The following GLDN variants were observed in gnomAD, a reference collection of about 807,000 sequenced individuals.
The protein encoded by GLDN is gliomedin.
GLDN carries 47 observed loss-of-function variants against 56.5 expected under a neutral mutation model. The ratio of observed to expected loss-of-function variants is 0.83; its 90% CI spans 0.66 to 1.06. The LOEUF is 1.06. Among genes scored for constraint, GLDN ranks in the 50% least tolerant of loss-of-function variants. The pLI is 0.00. For synonymous variants in GLDN, 332 were observed against 278.8 expected (o/e 1.19, Z -1.90); for missense variants, 782 against 714.3 (o/e 1.09, Z -1.08).
rs2038399024 is a variant in GLDN at position 51,407,092 on chromosome 15, CT to C, written c.*2339del. The C allele has an allele frequency of 6.6e-6, 1 of 152,072 alleles. No homozygotes were observed. The highest frequency in any genetic ancestry group is 6.6e-5 in the Admixed American group (1 of 15,262). The allele number at this position is 152,072 out of a possible 1,614,324, so 9.4% of individuals were successfully genotyped here. A position where few individuals can be genotyped will look rare whatever the true frequency, so the allele number is the denominator to read the frequency against. On this transcript the variant is annotated 3_prime_UTR_variant, in exon 10 of 10. Coordinates refer to ENST00000335449, the MANE Select transcript of GLDN (RefSeq NM_181789.4). ...AGTCTTGATATCTGAGCTATCTGGG[CT>C]CCCTTACTTGTGAGTAAGGGATCAT...
intron 4 of GLDN, among the ~76,000 whole-genome samples, chr15:51,385,743 C>T (rs909620373): frequency 2.0e-5 from 3 of 152,114 alleles, no homozygotes; most frequent in African/African-American, 7.2e-5. Flanking sequence ...GGGCAGAGGG[C>T]TCTGGGCAGA....
At position 51,351,382 on chromosome 15, in the gene GLDN, T is replaced by C. The variant is rs1332246296; in HGVS notation, c.363+9335T>C. Among the ~76,000 whole-genome samples the C allele has an allele frequency of 2.0e-5, 3 of 152,032 alleles. No individual in the cohort carries two copies. In the East Asian group the frequency reaches 5.8e-4, roughly 29 times the overall value. On this transcript the variant is annotated intron_variant, in intron 1 of 9. Coordinates refer to ENST00000335449, the MANE Select transcript of GLDN (RefSeq NM_181789.4). ...CCCTGCCACTATGCCGGGGAAAAAA[T>C]TGATTTTTGTCTTGGAACTCAGAGT...
In GLDN at chr15:51,404,474, T is replaced by C. The variant is rs1285407413; in HGVS notation, c.1376T>C (p.Val459Ala). ...CAACTGGATGAGAGGACATTCTCAG[T>C]GGTGCAACACGTCAATACCACGTAC... ...VAQLDERTFS[V>A]VQHVNTTYPK... The change falls in exon 10 of 10, where the codon GTG becomes GCG. Residue 459 changes from valine (V) to alanine (A), a missense_variant. Coordinates refer to ENST00000335449, the MANE Select transcript of GLDN (RefSeq NM_181789.4). 1.2e-6 allele frequency: 2 copies of C among 1,614,156 alleles called. No individual in the cohort carries two copies. Among genetic ancestry groups the C allele is most frequent in the South Asian group, 2.2e-5 (2 of 91,072 alleles).
At position 51,377,469 on chromosome 15, in the gene GLDN, G is replaced by A. The variant is rs201536840; in HGVS notation, c.384G>A (p.Leu128=). The A allele has an allele frequency of 1.9e-6, 3 of 1,614,104 alleles. No homozygotes were observed. The highest frequency in any genetic ancestry group is 4.5e-5 in the East Asian group (2 of 44,892). Residue 128 remains leucine (L), a synonymous_variant, in exon 2 of 10, where the codon CTG becomes CTA. Transcript: ENST00000335449. ...TGCAGATCCGAGTGATGGTGGACCT[G>A]TGCAACAGCACCAAGGGCATCTGCC... The part of the protein sequence containing the change: ...SMVPIRVMVD[L]CNSTKGICLT...
chr15:51,381,582 C>A (rs1314440891), intron 2 of GLDN, among the ~76,000 whole-genome samples: 2 of 152,118 alleles, frequency 1.3e-5, no homozygotes, highest in Non-Finnish European at 2.9e-5. Context: ...TAGCCTCTAT[C>A]CATCTGTATT....
At chr15:51,345,058 G>A (rs2036954071) in intron 1 of GLDN, among the ~76,000 whole-genome samples, 1 of 152,136 alleles carries the variant, frequency 6.6e-6, no homozygotes, top group South Asian at 2.1e-4. Context: ...TGAGCGGGGA[G>A]AGAGAAAATT....
rs1191845674 is a variant in GLDN, at chr15:51,404,467, T to C, written c.1369T>C (p.Phe457Leu). 1.2e-6 allele frequency: 2 copies of C among 1,614,086 alleles called. No homozygotes were observed. Among genetic ancestry groups the C allele is most frequent in the African/African-American group, 2.7e-5 (2 of 74,936 alleles). The change falls in exon 10 of 10, where the codon TTC (phenylalanine) becomes CTC (leucine). Residue 457 changes from phenylalanine to leucine, a missense_variant. Transcript: ENST00000335449. ...TGTAGCACAACTGGATGAGAGGACA[T>C]TCTCAGTGGTGCAACACGTCAATAC... is the stretch of plus-strand genomic sequence containing the variant. ...ILVAQLDERTFSVVQHVNTTY... is the reference protein window; with the variant it reads ...ILVAQLDERTLSVVQHVNTTY...
intron 4 of GLDN, 79 bp from the exon 5 acceptor site, chr15:51,394,756 C>T (rs1466957364): frequency 6.8e-7 from 1 of 1,480,036 alleles, no homozygotes; most frequent in African/African-American, 1.4e-5. Flanking sequence ...CCCTGGAAAG[C>T]ACAAAGCACA....
chr15:51,389,907 C>T (rs1351564814), intron 4 of GLDN, among the ~76,000 whole-genome samples: 1 of 152,094 alleles, frequency 6.6e-6, no homozygotes, highest in Non-Finnish European at 1.5e-5. Context: ...CAGGAGGCAA[C>T]CAGGAGCCAT....
rs2036947338 is a variant in GLDN, at chr15:51,344,724, A to G, written c.363+2677A>G. On this transcript the variant is annotated intron_variant, in intron 1 of 9. Transcript: ENST00000335449. ...ATGCAGACTAATGTCAACATTTCAA[A>G]AAGCCTTCCAGAATGGTTCATTTAT... is the stretch of plus-strand genomic sequence containing the variant. 2.0e-5 allele frequency among the ~76,000 whole-genome samples: 3 copies of G among 152,190 alleles called. 1 individual carries two copies. In the South Asian group the frequency reaches 6.2e-4, roughly 31 times the overall value.
chr15:51,352,258 A>C (rs547242245), intron 1 of GLDN, among the ~76,000 whole-genome samples: 1 of 152,036 alleles, frequency 6.6e-6, no homozygotes, highest in South Asian at 2.1e-4. Flanking sequence ...TAAGGTTATT[A>C]ATCATTTTTA....
chr15:51,396,720 T>C (rs1046293169), intron 5 of GLDN, among the ~76,000 whole-genome samples: 3 of 152,138 alleles, frequency 2.0e-5, no homozygotes, highest in Non-Finnish European at 1.5e-5. Flanking sequence ...ATAATGACCC[T>C]GAATCAGTTG....
At position 51,407,674 on chromosome 15, in the gene GLDN, G is replaced by A. The variant is rs1245789324; in HGVS notation, c.*2920G>A. ...GCTATGACAGAAAAAGTTCTGGGGTGGAAGTTTTAAGATGAGGAGTTCTGA... is the reference window on the plus strand; with the variant it reads ...GCTATGACAGAAAAAGTTCTGGGGTAGAAGTTTTAAGATGAGGAGTTCTGA... On this transcript the variant is annotated 3_prime_UTR_variant, in exon 10 of 10. Transcript: ENST00000335449. 2 of 152,194 alleles carry A rather than the reference G, an allele frequency of 1.3e-5. No homozygotes were observed. Among genetic ancestry groups the A allele is most frequent in the East Asian group, 3.8e-4 (2 of 5,206 alleles). The allele number at this position is 152,194 out of a possible 1,614,324, so 9.4% of individuals were successfully genotyped here.
chr15:51,353,966 C>T (rs1314333909), intron 1 of GLDN, among the ~76,000 whole-genome samples: 1 of 152,090 alleles, frequency 6.6e-6, no homozygotes, highest in African/African-American at 2.4e-5. Flanking sequence ...GCAGCCCATC[C>T]GTTGCTTTTA....
intron 1 of GLDN, chr15:51,377,161 C>T: frequency 2.5e-5 from 11 of 446,210 alleles, no homozygotes; most frequent in South Asian, 1.1e-4. Flanking sequence ...TTGTTTATAC[C>T]AGCATCACCA....
intron 4 of GLDN, among the ~76,000 whole-genome samples, chr15:51,391,570 T>C (rs2038020986): frequency 6.6e-6 from 1 of 152,202 alleles, no homozygotes; most frequent in Non-Finnish European, 1.5e-5. Context: ...TTTAAAACAC[T>C]GACAAAAGAA....
intron 1 of GLDN, among the ~76,000 whole-genome samples, chr15:51,365,913 GT>G (rs2037391266): frequency 6.6e-6 from 1 of 152,180 alleles, no homozygotes; most frequent in Non-Finnish European, 1.5e-5. Context: ...ACATTTGTAT[GT>G]GTTTAAAACA....
intron 2 of GLDN, among the ~76,000 whole-genome samples, chr15:51,382,440 G>T (rs540347030): frequency 6.6e-6 from 1 of 152,220 alleles, no homozygotes; most frequent in African/African-American, 2.4e-5. Context: ...TTTATGGAAA[G>T]ACCTCACCAT....
intron 1 of GLDN, among the ~76,000 whole-genome samples, chr15:51,344,131 C>T (rs1192761018): frequency 1.3e-5 from 2 of 152,218 alleles, no homozygotes; most frequent in East Asian, 3.8e-4. Context: ...CTGAAGACCA[C>T]ATTTTGAGTA....
Sources: allele counts gnomAD v4.1 joint callset (sites outside exome capture counted in the v4.1 genomes callset), GRCh38; gene constraint gnomAD v4.1.1; transcripts MANE v1.5; gene names NCBI Gene and HGNC (gene_info 2026-07-23, HGNC 2026-07-21).